Variants in OXR1 observed in about 807,000 individuals in gnomAD.
OXR1 encodes oxidation resistance 1.
Under a neutral mutation model 104.6 loss-of-function variants are expected in OXR1, and 41 were observed. The observed-to-expected ratio is 0.39, with a 90% CI of 0.31 to 0.51. The LOEUF is 0.51. OXR1 is among the 20% of genes least tolerant of loss of function. The pLI, the probability that OXR1 is intolerant of heterozygous loss-of-function variation, is 0.77. For missense variants in OXR1, 955 were observed against 1,031.9 expected, an observed-to-expected ratio of 0.93 and a Z score of 1.02; for synonymous variants, 348 against 348.4, an observed-to-expected ratio of 1.00 and a Z score of 0.01.
At chr8:106,530,157 A>G (rs879061611) in intron 3 of OXR1, among the ~76,000 whole-genome samples, 1 of 152,220 alleles carries the variant, frequency 6.6e-6, no homozygotes, top group Non-Finnish European at 1.5e-5. Context: ...ACATTTCCCA[A>G]TGTTTTCATT....
intron 2 of OXR1, among the ~76,000 whole-genome samples, chr8:106,373,411 G>A (rs1387223315): frequency 6.6e-6 from 1 of 152,138 alleles, no homozygotes; most frequent in Non-Finnish European, 1.5e-5. Flanking sequence ...TTTTAGTGAG[G>A]AATCAGGTAT....
chr8:106,666,189 G>A (rs181539813), intron 3 of OXR1, among the ~76,000 whole-genome samples: 140 of 152,250 alleles, frequency 9.2e-4, no homozygotes, highest in African/African-American at 3.1e-3. Context: ...TAACTGAGAG[G>A]TAGGTTTTAC....
intron 2 of OXR1, among the ~76,000 whole-genome samples, chr8:106,402,553 T>C (rs1214789781): frequency 6.6e-6 from 1 of 152,190 alleles, no homozygotes; most frequent in Non-Finnish European, 1.5e-5. Context: ...TCACCTGATA[T>C]CCATAAGCCA....
At chr8:106,274,989 T>A in intron 1 of OXR1, among the ~76,000 whole-genome samples, 1 of 152,270 alleles carries the variant, frequency 6.6e-6, no homozygotes, top group East Asian at 1.9e-4. Flanking sequence ...TAGCAGGTTC[T>A]GTTCTAGACA....
chr8:106,745,500 G>T (rs184576982), intron 15 of OXR1, among the ~76,000 whole-genome samples: 158 of 151,952 alleles, frequency 1.0e-3, no homozygotes, highest in African/African-American at 3.3e-3. Context: ...TCTATTAACC[G>T]TCCAACTCTT....
At chr8:106,374,839 A>G (rs1321459444) in intron 2 of OXR1, among the ~76,000 whole-genome samples, 1 of 152,194 alleles carries the variant, frequency 6.6e-6, no homozygotes. Context: ...GATGTCCACC[A>G]TCTTTTCTGG....
intron 3 of OXR1, among the ~76,000 whole-genome samples, chr8:106,614,538 C>A (rs556400554): frequency 2.6e-5 from 4 of 152,254 alleles, no homozygotes; most frequent in Non-Finnish European, 5.9e-5. Flanking sequence ...TGGTAGATAG[C>A]CAATATTTGT....
intron 1 of OXR1, among the ~76,000 whole-genome samples, chr8:106,337,165 G>A (rs977916209): frequency 2.0e-5 from 3 of 151,984 alleles, no homozygotes; most frequent in African/African-American, 7.3e-5. Context: ...GCTTTTTAAG[G>A]CTTAAATATC....
chr8:106,317,253 A>C (rs904773657), intron 1 of OXR1, among the ~76,000 whole-genome samples: 3 of 152,140 alleles, frequency 2.0e-5, no homozygotes, highest in Admixed American at 6.6e-5. Flanking sequence ...AATTTCACTG[A>C]ATCATGCTGT....
At chr8:106,560,601 C>T (rs566004850) in intron 3 of OXR1, among the ~76,000 whole-genome samples, 119 of 152,288 alleles carry the variant, frequency 7.8e-4, no homozygotes, top group Non-Finnish European at 1.2e-3. Context: ...CTCCAAATAG[C>T]ACTGAAGTCA....
At chr8:106,545,513 A>G (rs1815286467) in intron 3 of OXR1, among the ~76,000 whole-genome samples, 2 of 152,342 alleles carry the variant, frequency 1.3e-5, no homozygotes, top group Admixed American at 6.5e-5. Context: ...AAATCATTTC[A>G]CTCTTCCAGA....
chr8:106,726,426 AT>A, intron 11 of OXR1: 1 of 578,602 alleles, frequency 1.7e-6, no homozygotes, highest in Non-Finnish European at 2.9e-6. Flanking sequence ...AGAATACAAA[AT>A]TTTATGATTG....
At chr8:106,288,875 A>T (rs1020604873) in intron 1 of OXR1, among the ~76,000 whole-genome samples, 1 of 151,876 alleles carries the variant, frequency 6.6e-6, no homozygotes, top group Non-Finnish European at 1.5e-5. Context: ...CAACTCATTC[A>T]TTCATTCGTT....
At chr8:106,549,634 G>C (rs1364248256) in intron 3 of OXR1, among the ~76,000 whole-genome samples, 1 of 152,150 alleles carries the variant, frequency 6.6e-6, no homozygotes, top group Non-Finnish European at 1.5e-5. Flanking sequence ...CTAGATGCTG[G>C]AGAGTTCAAG....
At chr8:106,626,334 TA>T (rs773984078) in intron 3 of OXR1, among the ~76,000 whole-genome samples, 112 of 145,278 alleles carry the variant, frequency 7.7e-4, no homozygotes, top group Admixed American at 8.3e-4. Flanking sequence ...ATTCATTTTC[TA>T]AAAAAAAAAA....
chr8:106,272,063 G>A (rs1437143070), intron 1 of OXR1: 1 of 152,184 alleles, frequency 6.6e-6, no homozygotes, highest in African/African-American at 2.4e-5. Flanking sequence ...ATCTCTGGTG[G>A]GGGCCTCCCT....
intron 1 of OXR1, among the ~76,000 whole-genome samples, chr8:106,315,677 T>C (rs1813898878): frequency 1.3e-5 from 2 of 152,186 alleles, no homozygotes; most frequent in Non-Finnish European, 2.9e-5. Flanking sequence ...AAGAAATGTG[T>C]TGAAATCTAT....
In OXR1 at chr8:106,698,062, C is replaced by T. The variant is rs890554721; in HGVS notation, c.676-4844C>T. 1.5e-5 allele frequency: 20 copies of T among 1,316,832 alleles called. No homozygotes were observed. The African/African-American group carries it at 1.7e-4, about 11-fold the overall frequency. The allele number at this position is 1,316,832 out of a possible 1,614,324, so 81.6% of individuals were successfully genotyped here. On this transcript the variant is annotated intron_variant, in intron 7 of 16. Coordinates refer to ENST00000517566, the MANE Select transcript of OXR1 (RefSeq NM_001198533.2). ...GGGAGCGTTCAAACGGGCTGGAGAG[C>T]GGCACACTCACTCAAGGCAATGGCT...
chr8:106,303,535 G>T (rs936450898), intron 1 of OXR1, among the ~76,000 whole-genome samples: 1 of 151,894 alleles, frequency 6.6e-6, no homozygotes. Context: ...ACCGAGCCCG[G>T]CCGGAACTTG....
Sources: allele counts gnomAD v4.1 joint callset (sites outside exome capture counted in the v4.1 genomes callset), GRCh38; gene constraint gnomAD v4.1.1; transcripts MANE v1.5; gene names NCBI Gene and HGNC (gene_info 2026-07-23, HGNC 2026-07-21).